The following CADM2 variants were observed in gnomAD, a reference collection of about 807,000 sequenced individuals.
CADM2 encodes the protein immunoglobulin superfamily member 4D.
In CADM2, 12 loss-of-function variants were observed where a neutral mutation model predicts 49.8. The ratio of observed to expected loss-of-function variants is 0.24; its 90% confidence interval spans 0.15 to 0.39. The LOEUF is 0.39. Ranked by LOEUF, CADM2 falls within the 10% of genes least tolerant of loss-of-function variation. The pLI is 1.00. For synonymous variants in CADM2, 214 were observed against 175.4 expected, an observed-to-expected ratio of 1.22 and a Z score of -1.74; for missense variants, 378 against 492.3, an observed-to-expected ratio of 0.77 and a Z score of 2.20.
intron 1 of CADM2, among the ~76,000 whole-genome samples, chr3:85,510,248 C>T (rs1263823412): frequency 6.6e-6 from 1 of 151,796 alleles, no homozygotes; most frequent in African/African-American, 2.4e-5. Flanking sequence ...TTCAGAAGTC[C>T]CTTTGAGATA....
chr3:85,650,272 C>G (rs1309199499), intron 1 of CADM2, among the ~76,000 whole-genome samples: 8 of 152,130 alleles, frequency 5.3e-5, no homozygotes, highest in Non-Finnish European at 1.0e-4. Context: ...TAAGGAGAAG[C>G]GCTTTTGTGA....
At chr3:85,376,261 T>C (rs566552934) in intron 1 of CADM2, among the ~76,000 whole-genome samples, 43 of 152,136 alleles carry the variant, frequency 2.8e-4, no homozygotes, top group African/African-American at 9.6e-4. Flanking sequence ...ACTAACTATA[T>C]CCCAATGGGA....
chr3:85,346,993 T>C (rs749079708), intron 1 of CADM2, among the ~76,000 whole-genome samples: 1 of 151,410 alleles, frequency 6.6e-6, no homozygotes, highest in Non-Finnish European at 1.5e-5. Flanking sequence ...CAGGCTTAAG[T>C]GGGTGGATCA....
rs1273001507 is a variant in CADM2, at chr3:85,935,754, C to A, written c.701-13C>A. Reference sequence around the variant, plus strand: ...GTGTTTAATTACCTTTCTTAATATTCTTTTATTTCTAGATACACCATCAGT... The same window carrying A: ...GTGTTTAATTACCTTTCTTAATATTATTTTATTTCTAGATACACCATCAGT... On this transcript the variant is annotated splice_polypyrimidine_tract_variant and intron_variant, in intron 6 of 9. Coordinates refer to ENST00000383699, the MANE Select transcript of CADM2 (RefSeq NM_001167675.2). 2.0e-6 allele frequency: 3 copies of A among 1,472,052 alleles called. No homozygotes were observed. The highest frequency in any genetic ancestry group is 2.8e-6 in the Non-Finnish European group (3 of 1,065,798). The allele number at this position is 1,472,052 out of a possible 1,614,324, so 91.2% of individuals were successfully genotyped here. A position where few individuals can be genotyped will look rare whatever the true frequency, so the allele number is the denominator to read the frequency against.
intron 1 of CADM2, among the ~76,000 whole-genome samples, chr3:85,305,550 G>T (rs1214921080): frequency 1.3e-5 from 2 of 151,442 alleles, no homozygotes; most frequent in African/African-American, 4.8e-5. Context: ...ATAGTAAATT[G>T]GTAGCCAATT....
rs112718780 is a variant in CADM2 at position 85,064,277 on chromosome 3, A to G, written c.61+104609A>G. The stretch of plus-strand genomic sequence containing the variant: ...CCAATGAGAACTAAGGTTTTGAGAT[A>G]CCCTTTAAAGAGGAATATTGGAACA... On this transcript the variant is annotated intron_variant, in intron 1 of 9. Coordinates refer to ENST00000383699, the MANE Select transcript of CADM2 (RefSeq NM_001167675.2). Among the ~76,000 whole-genome samples the G allele has an allele frequency of 7.4e-3, 1,132 of 152,168 alleles. 16 individuals carry two copies. The highest frequency in any genetic ancestry group is 0.025 in the African/African-American group (1,028 of 41,538).
At chr3:85,866,649 G>T (rs1469711747) in intron 3 of CADM2, among the ~76,000 whole-genome samples, 2 of 151,712 alleles carry the variant, frequency 1.3e-5, no homozygotes, top group Non-Finnish European at 2.9e-5. Context: ...TCAGTGTTTT[G>T]AAGGAATGTT....
At chr3:84,986,975 C>G (rs1373863050) in intron 1 of CADM2, among the ~76,000 whole-genome samples, 3 of 151,724 alleles carry the variant, frequency 2.0e-5, no homozygotes, top group African/African-American at 7.3e-5. Context: ...TCACTTGAAC[C>G]CGGGAGGCGG....
intron 1 of CADM2, among the ~76,000 whole-genome samples, chr3:85,259,141 C>A (rs948989016): frequency 6.6e-6 from 1 of 152,110 alleles, no homozygotes; most frequent in South Asian, 2.1e-4. Context: ...TTGGGAAGTG[C>A]AGTTGTCTTT....
intron 3 of CADM2, among the ~76,000 whole-genome samples, chr3:85,881,828 G>T (rs1248592825): frequency 6.6e-6 from 1 of 152,096 alleles, no homozygotes; most frequent in Non-Finnish European, 1.5e-5. Context: ...TATGTGTGGG[G>T]GATGGTTTTG....
At chr3:85,258,753 A>G (rs767739014) in intron 1 of CADM2, among the ~76,000 whole-genome samples, 1 of 152,142 alleles carries the variant, frequency 6.6e-6, no homozygotes, top group Non-Finnish European at 1.5e-5. Flanking sequence ...GTATTCTGCC[A>G]CTTTGTTTTA....
At chr3:85,459,144 A>G (rs1029331575) in intron 1 of CADM2, among the ~76,000 whole-genome samples, 2 of 152,142 alleles carry the variant, frequency 1.3e-5, no homozygotes, top group African/African-American at 2.4e-5. Context: ...AGTCACTTGA[A>G]CAATAATATT....
intron 1 of CADM2, among the ~76,000 whole-genome samples, chr3:85,063,528 A>G (rs1232225962): frequency 6.6e-6 from 1 of 152,054 alleles, no homozygotes; most frequent in Non-Finnish European, 1.5e-5. Flanking sequence ...ACATCCAAGT[A>G]TTTTGATCTT....
At chr3:85,259,883 G>A (rs1171601366) in intron 1 of CADM2, among the ~76,000 whole-genome samples, 1 of 151,976 alleles carries the variant, frequency 6.6e-6, no homozygotes, top group Non-Finnish European at 1.5e-5. Context: ...TTGAGAACTT[G>A]GCTCATTCCA....
At chr3:85,304,407 A>G (rs1458386519) in intron 1 of CADM2, among the ~76,000 whole-genome samples, 1 of 151,830 alleles carries the variant, frequency 6.6e-6, no homozygotes, top group African/African-American at 2.4e-5. Context: ...TGAAACAGTA[A>G]GTCATTTAAA....
intron 1 of CADM2, among the ~76,000 whole-genome samples, chr3:85,554,427 C>T (rs1483023292): frequency 6.6e-6 from 1 of 151,490 alleles, no homozygotes; most frequent in Non-Finnish European, 1.5e-5. Flanking sequence ...TTAGGGACCC[C>T]TGTTCTAGGC....
chr3:85,517,273 T>C (rs2060927083), intron 1 of CADM2, among the ~76,000 whole-genome samples: 1 of 152,130 alleles, frequency 6.6e-6, no homozygotes, highest in Admixed American at 6.5e-5. Context: ...TTATTGATGC[T>C]ACCATTACTT....
chr3:85,038,959 T>C (rs1319232203), intron 1 of CADM2, among the ~76,000 whole-genome samples: 1 of 152,244 alleles, frequency 6.6e-6, no homozygotes. Flanking sequence ...AAAATGTGCT[T>C]CTAAAATTAT....
chr3:85,286,094 G>A (rs1390329313), intron 1 of CADM2, among the ~76,000 whole-genome samples: 1 of 152,068 alleles, frequency 6.6e-6, no homozygotes, highest in Non-Finnish European at 1.5e-5. Context: ...AAAGACATGG[G>A]CATTCTTGTA....
Sources: gnomAD v4.1 joint callset for allele counts (sites outside exome capture counted in the v4.1 genomes callset) on GRCh38, gnomAD v4.1.1 for gene constraint, MANE v1.5 for transcripts, NCBI Gene and HGNC (gene_info 2026-07-23, HGNC 2026-07-21) for gene names.